The following PPIP5K2 variants were observed in gnomAD, a reference collection of about 807,000 sequenced individuals.
The protein encoded by PPIP5K2 is inositol hexakisphosphate and diphosphoinositol-pentakisphosphate kinase 2.
A neutral mutation model predicts 154.6 loss-of-function variants in PPIP5K2; 105 were observed. The ratio of observed to expected loss-of-function variants is 0.68; its 90% confidence interval spans 0.58 to 0.80. The LOEUF is 0.80. Among genes scored for constraint, PPIP5K2 ranks in the 30% least tolerant of loss-of-function variants. PPIP5K2 has a pLI of 0.00. For synonymous variants in PPIP5K2, 480 were observed against 490.3 expected (o/e 0.98, Z 0.28); for missense variants, 992 against 1,504.6 (o/e 0.66, Z 5.64).
intron 28 of PPIP5K2, among the ~76,000 whole-genome samples, chr5:103,189,890 CTT>C (rs1173244154): frequency 2.0e-5 from 3 of 151,960 alleles, no homozygotes; most frequent in African/African-American, 7.2e-5. Flanking sequence ...TGATATTTGA[CTT>C]TATATAAAAC....
intron 23 of PPIP5K2, among the ~76,000 whole-genome samples, chr5:103,178,972 GT>G (rs1217032249): frequency 6.6e-6 from 1 of 151,392 alleles, no homozygotes; most frequent in Non-Finnish European, 1.5e-5. Context: ...TTTTAACTCA[GT>G]TTTGTATAAA....
In PPIP5K2 at chr5:103,159,331, G is replaced by A. The variant is rs782321271; in HGVS notation, c.1920+3G>A. On this transcript the variant is annotated splice_donor_region_variant and intron_variant, in intron 17 of 30. Transcript: ENST00000358359. ...TTACTGCTGAAGATTATGAAAAGGT[G>A]GGTCTTAGCAAACTCTTATATTGTG... 1 of 1,598,462 alleles carries A rather than the reference G, an allele frequency of 6.3e-7. No individual in the cohort carries two copies. Among genetic ancestry groups the A allele is most frequent in the Non-Finnish European group, 8.5e-7 (1 of 1,173,506 alleles).
intron 30 of PPIP5K2, among the ~76,000 whole-genome samples, chr5:103,196,665 A>G (rs952983562): frequency 3.2e-4 from 48 of 152,146 alleles, no homozygotes; most frequent in African/African-American, 1.1e-3. Context: ...CTCATAGTAC[A>G]TTGTTCTTTA....
intron 3 of PPIP5K2, among the ~76,000 whole-genome samples, chr5:103,135,813 A>G (rs1337988330): frequency 6.6e-6 from 1 of 151,966 alleles, no homozygotes; most frequent in African/African-American, 2.4e-5. Context: ...TATATCTACT[A>G]TTTGATTTGT....
Position 103,173,173 on chromosome 5 carries a change from G to C in PPIP5K2, c.2305G>C (p.Ala769Pro). 4 of 1,607,112 alleles carry C rather than the reference G, an allele frequency of 2.5e-6. No individual in the cohort carries two copies. The highest frequency in any genetic ancestry group is 3.4e-6 in the Non-Finnish European group (4 of 1,176,954). ...VIPQEYGITK[A>P]EKLEIAKGYC... ...TGCTCAGGAATATGGTATAACTAAA[G>C]CTGAAAAACTGGAGATTGCCAAAGG... The change falls in exon 20 of 31, where the codon GCT becomes CCT. Residue 769 changes from alanine to proline, a missense_variant. Ala to Pro is a conservative substitution (Grantham distance 27). Coordinates refer to ENST00000358359, the MANE Select transcript of PPIP5K2 (RefSeq NM_001276277.3).
In PPIP5K2 at chr5:103,174,343, G is replaced by T. The variant is rs560209038; in HGVS notation, c.2529+371G>T. Among the ~76,000 whole-genome samples the T allele has an allele frequency of 2.6e-5, 4 of 152,036 alleles. No individual in the cohort carries two copies. The East Asian group carries it at 7.7e-4, about 29-fold the overall frequency. ...ACTATCTACTATTATCTACTATTAC[G>T]TAATGACATACCAAGACTTAGTGGC... On this transcript the variant is annotated intron_variant, in intron 21 of 30. Transcript: ENST00000358359.
At chr5:103,169,182 T>G (rs534989625) in intron 19 of PPIP5K2, among the ~76,000 whole-genome samples, 1 of 151,922 alleles carries the variant, frequency 6.6e-6, no homozygotes, top group Non-Finnish European at 1.5e-5. Flanking sequence ...AAGGGGTAAG[T>G]GGCAAAACAT....
intron 24 of PPIP5K2, 116 bp from the exon 25 acceptor site, chr5:103,183,118 T>A: frequency 1.1e-6 from 1 of 946,578 alleles, no homozygotes; most frequent in Non-Finnish European, 1.4e-6. Context: ...ATGAACAAAC[T>A]GTATTTTTTT....
At chr5:103,161,273 T>C (rs1481958696) in intron 17 of PPIP5K2, among the ~76,000 whole-genome samples, 2 of 152,220 alleles carry the variant, frequency 1.3e-5, no homozygotes, top group Non-Finnish European at 1.5e-5. Flanking sequence ...TCCATGTCCC[T>C]ACAAAGGACA....
At position 103,167,196 on chromosome 5, in the gene PPIP5K2, C is replaced by T; in HGVS notation, c.1938C>T (p.Ser646=). The T allele has an allele frequency of 1.3e-6, 2 of 1,566,596 alleles. No individual in the cohort carries two copies. The highest frequency in any genetic ancestry group is 1.7e-6 in the Non-Finnish European group (2 of 1,154,800). ...EDYEKLTPSG[S]ISLIKSMHLI... ...ATTTGTAGCTTACTCCATCTGGAAG[C>T]ATTTCTCTTATCAAATCAATGCATT... Residue 646 remains serine (S), a synonymous_variant, in exon 18 of 31, where the codon AGC becomes AGT. Transcript: ENST00000358359.
intron 18 of PPIP5K2, among the ~76,000 whole-genome samples, 179 bp downstream of exon 18, chr5:103,167,499 T>A (rs1554218272): frequency 1.3e-5 from 2 of 151,990 alleles, no homozygotes; most frequent in African/African-American, 4.8e-5. Flanking sequence ...TTTTTATCCA[T>A]GACAGCATGA....
intron 2 of PPIP5K2, among the ~76,000 whole-genome samples, chr5:103,131,409 T>G (rs1156949312): frequency 6.6e-6 from 1 of 152,186 alleles, no homozygotes; most frequent in African/African-American, 2.4e-5. Context: ...AAATATAGTC[T>G]GTATATGTTC....
At chr5:103,138,087 AT>A (rs1791873530) in intron 4 of PPIP5K2, among the ~76,000 whole-genome samples, 1 of 152,180 alleles carries the variant, frequency 6.6e-6, no homozygotes, top group Non-Finnish European at 1.5e-5. Flanking sequence ...TTGTGATAAT[AT>A]CAACTTTATT....
At chr5:103,155,362 T>C (rs2149588960) in intron 13 of PPIP5K2, among the ~76,000 whole-genome samples, 1 of 147,304 alleles carries the variant, frequency 6.8e-6, no homozygotes, top group African/African-American at 2.5e-5. Flanking sequence ...AACACATACA[T>C]CTGTGTTTTT....
rs782379462 is a variant in PPIP5K2, at chr5:103,151,287, A to G, written c.941A>G (p.Asn314Ser). The G allele has an allele frequency of 1.8e-5, 29 of 1,609,300 alleles. No homozygotes were observed. Among genetic ancestry groups the G allele is most frequent in the African/African-American group, 2.7e-5 (2 of 74,802 alleles). ...TVCGFDLLRA[N>S]GQSYVCDVNG... The stretch of plus-strand genomic sequence containing the variant: ...TGTGGCTTTGATTTGTTACGGGCCA[A>G]TGGACAGTCCTATGTCTGTGATGTC... Residue 314 changes from asparagine (N) to serine (S), a missense_variant, in exon 9 of 31, where the codon AAT becomes AGT. This residue lies in a region of PPIP5K2 where 163 missense variants were observed against 285.2 expected (regional missense o/e 0.57). Coordinates refer to ENST00000358359, the MANE Select transcript of PPIP5K2 (RefSeq NM_001276277.3).
chr5:103,158,124 GAATCTTA>G, intron 14 of PPIP5K2, 57 bp from the exon 15 acceptor site: 1 of 1,527,492 alleles, frequency 6.5e-7, no homozygotes, highest in Non-Finnish European at 9.0e-7. Context: ...AGAAAAAAAT[GAATCTTA>G]AGTCTGTTTA....
chr5:103,201,378 A>G, intron 30 of PPIP5K2, 144 bp from the exon 31 acceptor site: 1 of 566,384 alleles, frequency 1.8e-6, no homozygotes, highest in Non-Finnish European at 3.1e-6. Flanking sequence ...GTAAAAGGTT[A>G]AAAATGCTAT....
intron 5 of PPIP5K2, among the ~76,000 whole-genome samples, chr5:103,140,906 A>G (rs1554206385): frequency 6.6e-6 from 1 of 152,012 alleles, no homozygotes; most frequent in Admixed American, 6.6e-5. Flanking sequence ...ACAGAAACTG[A>G]GGGATTCATG....
Position 103,207,593 on chromosome 5 carries a change from T to G in PPIP5K2, c.*5959T>G, listed in dbSNP as rs1803589567. On this transcript the variant is annotated 3_prime_UTR_variant, in exon 31 of 31. Transcript: ENST00000358359. ...TTTAAAGTCTATATATATATATATA[T>G]AGATCCTATCTGTTGACTCCTTGCT... 1.3e-5 allele frequency: 2 copies of G among 151,658 alleles called. No homozygotes were observed. Among genetic ancestry groups the G allele is most frequent in the African/African-American group, 2.4e-5 (1 of 41,278 alleles). The allele number at this position is 151,658 out of a possible 1,614,324, so 9.4% of individuals were successfully genotyped here.
Sources: allele counts gnomAD v4.1 joint callset (sites outside exome capture counted in the v4.1 genomes callset), GRCh38; gene constraint gnomAD v4.1.1; regional missense constraint gnomAD v4.1.1; transcripts MANE v1.5; gene names NCBI Gene and HGNC (gene_info 2026-07-23, HGNC 2026-07-21).